NLGN4X: variants seen among roughly 807,000 people sequenced by gnomAD.
The protein encoded by NLGN4X is neuroligin-4, X-linked.
Under a neutral mutation model 40.3 loss-of-function variants are expected in NLGN4X, and 3 were observed. The ratio of observed to expected loss-of-function variants is 0.07; its 90% CI spans 0.03 to 0.19. The LOEUF is 0.19. Among genes scored for constraint, NLGN4X ranks in the 10% least tolerant of loss-of-function variants. NLGN4X has a pLI of 1.00. For missense variants in NLGN4X, 382 were observed against 708.3 expected (o/e 0.54, Z 5.23); for synonymous variants, 270 against 306.8 (o/e 0.88, Z 1.25).
rs1163973694 is a variant in NLGN4X, at chrX:5,900,560, C to CTTTTTTTTTTTTTTT, written c.1601+2502_1601+2516dup. Among the ~76,000 whole-genome samples the CTTTTTTTTTTTTTTT allele has an allele frequency of 1.1e-4, 5 of 45,596 alleles. 2 individuals carry two copies. Among genetic ancestry groups the CTTTTTTTTTTTTTTT allele is most frequent in the South Asian group, 3.4e-3 (2 of 587 alleles). 39.6% of individuals were successfully genotyped at this position (45,596 alleles called of 115,157 possible). On this transcript the variant is annotated intron_variant, in intron 5 of 5. Coordinates refer to ENST00000381095, the MANE Select transcript of NLGN4X (RefSeq NM_181332.3). Reference sequence around the variant, plus strand: ...GTTATAAGACACACCGTTTTTGGTGCTTTTTTTTTTTTTTTTTTTTTTTTT... The same window carrying CTTTTTTTTTTTTTTT: ...GTTATAAGACACACCGTTTTTGGTGCTTTTTTTTTTTTTTTTTTTTTTTTTTTTTTTTTTTTTTTT...
intron 2 of NLGN4X, among the ~76,000 whole-genome samples, chrX:6,098,112 T>C (rs1194937900): frequency 7.2e-5 from 8 of 111,499 alleles, no homozygotes; most frequent in Non-Finnish European, 1.5e-4. Flanking sequence ...CAACGGAATT[T>C]GTAGAGACAG....
intron 1 of NLGN4X, among the ~76,000 whole-genome samples, chrX:6,163,249 A>C (rs1459409971): frequency 1.8e-5 from 2 of 112,320 alleles, no homozygotes; most frequent in Admixed American, 9.5e-5. Context: ...AATACAGTAC[A>C]TATATGTAAA....
intron 1 of NLGN4X, among the ~76,000 whole-genome samples, chrX:6,185,160 A>C (rs765594340): frequency 8.9e-6 from 1 of 112,324 alleles, no homozygotes; most frequent in Non-Finnish European, 1.9e-5. Flanking sequence ...AACTGTGTAC[A>C]AAGAGGAATA....
intron 3 of NLGN4X, among the ~76,000 whole-genome samples, chrX:6,018,515 T>G (rs771418071): frequency 3.6e-5 from 4 of 111,989 alleles, no homozygotes; most frequent in African/African-American, 6.5e-5. Flanking sequence ...TTTTAATGTT[T>G]AAAGATGGGT....
At chrX:5,942,733 G>C (rs1439360439) in intron 3 of NLGN4X, among the ~76,000 whole-genome samples, 2 of 110,398 alleles carry the variant, frequency 1.8e-5, no homozygotes, top group African/African-American at 6.6e-5. Context: ...AAAAGCATGA[G>C]AATAATGGCG....
intron 3 of NLGN4X, among the ~76,000 whole-genome samples, chrX:6,028,268 A>G (rs1304572480): frequency 8.9e-6 from 1 of 111,938 alleles, no homozygotes; most frequent in Non-Finnish European, 1.9e-5. Flanking sequence ...AGGTCTTAGG[A>G]ATATTATTCA....
At chrX:6,044,759 G>A (rs145089088) in intron 2 of NLGN4X, among the ~76,000 whole-genome samples, 6,375 of 111,462 alleles carry the variant, frequency 0.057, 379 homozygotes, top group African/African-American at 0.18. Context: ...CATGTATGGG[G>A]GCAGGGGATA....
intron 5 of NLGN4X, among the ~76,000 whole-genome samples, chrX:5,898,679 C>T (rs923296071): frequency 7.2e-5 from 8 of 111,499 alleles, no homozygotes; most frequent in African/African-American, 9.8e-5. Flanking sequence ...GTGACAGACA[C>T]GCTGGGAGCT....
intron 1 of NLGN4X, among the ~76,000 whole-genome samples, chrX:6,197,443 G>GTTTTT (rs1602407338): frequency 1.2e-5 from 1 of 82,597 alleles, no homozygotes; most frequent in Non-Finnish European, 2.4e-5. Context: ...TTTTTTTTTT[G>GTTTTT]TATTTTTTAT....
chrX:5,922,841 C>T (rs1339943276), intron 3 of NLGN4X, among the ~76,000 whole-genome samples: 9 of 109,234 alleles, frequency 8.2e-5, no homozygotes, highest in African/African-American at 1.3e-4. Flanking sequence ...CCAGCCTGGG[C>T]GACAGAGGGA....
intron 2 of NLGN4X, among the ~76,000 whole-genome samples, chrX:6,056,979 C>T (rs918816333): frequency 1.8e-5 from 2 of 111,584 alleles, no homozygotes; most frequent in African/African-American, 6.5e-5. Flanking sequence ...GTGACTTTGG[C>T]GATGCTACGA....
chrX:6,190,280 A>T (rs1343383221), intron 1 of NLGN4X, among the ~76,000 whole-genome samples: 3 of 112,044 alleles, frequency 2.7e-5, no homozygotes, highest in Non-Finnish European at 5.6e-5. Flanking sequence ...AAGGAAAAAT[A>T]CTGAAGTTTT....
At chrX:6,072,536 T>A (rs1175997177) in intron 2 of NLGN4X, among the ~76,000 whole-genome samples, 3 of 111,815 alleles carry the variant, frequency 2.7e-5, no homozygotes, top group East Asian at 2.8e-4. Flanking sequence ...GTGTGAATAT[T>A]GTTAATATCC....
At chrX:6,197,454 A>T (rs866266040) in intron 1 of NLGN4X, among the ~76,000 whole-genome samples, 26 of 88,945 alleles carry the variant, frequency 2.9e-4, no homozygotes, top group Non-Finnish European at 5.3e-4. Flanking sequence ...TATTTTTTAT[A>T]GAGACGGAGT....
At chrX:6,073,788 T>C (rs1288580043) in intron 2 of NLGN4X, among the ~76,000 whole-genome samples, 1 of 111,321 alleles carries the variant, frequency 9.0e-6, no homozygotes, top group African/African-American at 3.3e-5. Flanking sequence ...GAACTGCACA[T>C]GTGAAAATGG....
At chrX:6,225,862 A>G (rs1221014368) in intron 1 of NLGN4X, among the ~76,000 whole-genome samples, 3 of 98,491 alleles carry the variant, frequency 3.0e-5, no homozygotes, top group Non-Finnish European at 6.1e-5. Flanking sequence ...AGCATAAGAT[A>G]AGAGCAACAA....
intron 2 of NLGN4X, among the ~76,000 whole-genome samples, chrX:6,149,981 A>G (rs1484407932): frequency 9.0e-6 from 1 of 110,956 alleles, no homozygotes; most frequent in African/African-American, 3.3e-5. Flanking sequence ...AAAAAAGAAG[A>G]AGAAGAAATT....
At chrX:5,935,896 G>C (rs2033714461) in intron 3 of NLGN4X, among the ~76,000 whole-genome samples, 2 of 111,906 alleles carry the variant, frequency 1.8e-5, no homozygotes, top group African/African-American at 3.2e-5. Context: ...TATTCTTTGG[G>C]TTATGCTGGT....
At chrX:5,983,516 G>C (rs890603420) in intron 3 of NLGN4X, among the ~76,000 whole-genome samples, 5 of 111,976 alleles carry the variant, frequency 4.5e-5, no homozygotes, top group African/African-American at 1.6e-4. Flanking sequence ...TTCTAGATCA[G>C]AGAAATAAAC....
Sources: allele counts gnomAD v4.1 joint callset (sites outside exome capture counted in the v4.1 genomes callset), GRCh38; gene constraint gnomAD v4.1.1; transcripts MANE v1.5; gene names NCBI Gene and HGNC (gene_info 2026-07-23, HGNC 2026-07-21).